Variants in UBXN6 observed in about 807,000 individuals in gnomAD.
UBXN6 encodes UBX domain protein 6, also known as UBX domain-containing protein 6.
UBXN6 carries 44 observed loss-of-function variants against 51.4 expected under a neutral mutation model. The ratio of observed to expected loss-of-function variants is 0.86; its 90% CI spans 0.67 to 1.10. The LOEUF (loss-of-function observed/expected upper bound fraction) is 1.10. UBXN6 is among the 50% of genes least tolerant of loss of function. The pLI is 0.00. For synonymous variants in UBXN6, 316 were observed against 263.2 expected (o/e 1.20, Z -1.94); for missense variants, 672 against 596.1 (o/e 1.13, Z -1.32).
chr19:4,447,441 C>T (rs1026293158), intron 6 of UBXN6, 109 bp downstream of exon 6: 30 of 1,217,744 alleles, frequency 2.5e-5, no homozygotes, highest in African/African-American at 1.8e-4. Context: ...GCTCAACTCT[C>T]GCTAGCTCCT....
rs759855616 is a variant in UBXN6, at chr19:4,446,652, G to T, written c.768C>A (p.His256Gln). The change falls in exon 8 of 11, where the codon CAC (histidine) becomes CAA (glutamine). Residue 256 changes from histidine to glutamine, a missense_variant. Transcript: ENST00000301281. ...GCTCCGCAGCCAGCAGCTGTTCCTT[G>T]TGCCTCTCCAGGCTCTGGGGCTGGG... is the stretch of plus-strand genomic sequence containing the variant. ...TLAQPQSLER[H>Q]KEQLLAAEPV... 6.2e-7 allele frequency: 1 copy of T among 1,612,328 alleles called. No homozygotes were observed.
At chr19:4,446,447 G>T (rs527573846) in intron 8 of UBXN6, 34 bp from the exon 9 acceptor site, 16 of 1,580,890 alleles carry the variant, frequency 1.0e-5, no homozygotes, top group Non-Finnish European at 1.4e-5. Flanking sequence ...AGGGCTGGCC[G>T]GGGTTCTTCC....
chr19:4,446,240 C>T (rs757629381), intron 9 of UBXN6, 43 bp from the exon 10 acceptor site: 1 of 1,574,098 alleles, frequency 6.4e-7, no homozygotes, highest in Non-Finnish European at 8.6e-7. Flanking sequence ...CCAGGGCCCC[C>T]TACCAACCCG....
At chr19:4,446,772 C>T (rs956869511) in intron 7 of UBXN6, 53 bp from the exon 8 acceptor site, 36 of 1,612,262 alleles carry the variant, frequency 2.2e-5, no homozygotes, top group African/African-American at 6.7e-5. Context: ...ACCCCCAAGC[C>T]GGGCCCTCCT....
rs1406216069 is a variant in UBXN6, at chr19:4,446,543, A to G, written c.877T>C (p.Phe293Leu). 6.2e-7 allele frequency: 1 copy of G among 1,612,054 alleles called. No individual in the cohort carries two copies. The highest frequency in any genetic ancestry group is 2.2e-5 in the East Asian group (1 of 44,878). ...TTGATCTCCTCTGCTGTGAGGTTGA[A>G]GAAGTCCCCAGGCAGTTCGAACTGC... The part of the protein sequence containing the change: ...ASQFELPGDF[F>L]NLTAEEIKRE... The change falls in exon 8 of 11, where the codon TTC becomes CTC. Residue 293 changes from phenylalanine to leucine, a missense_variant. Coordinates refer to ENST00000301281, the MANE Select transcript of UBXN6 (RefSeq NM_025241.3).
rs45464495 is a variant in UBXN6, at chr19:4,455,465, G to A, written c.84-1372C>T. 1,672 of 213,542 alleles carry A rather than the reference G, an allele frequency of 7.8e-3. 24 individuals are homozygous for A. The highest frequency in any genetic ancestry group is 0.036 in the Admixed American group (550 of 15,346). The allele number at this position is 213,542 out of a possible 1,614,324, so 13.2% of individuals were successfully genotyped here. A position where few individuals can be genotyped will look rare whatever the true frequency, so the allele number is the denominator to read the frequency against. ...TTCCAACAAAATGCCATTTCCCAGG[G>A]CACCTCACCCCAACCAGCCATGGAC... On this transcript the variant is annotated intron_variant, in intron 1 of 10. Coordinates refer to ENST00000301281, the MANE Select transcript of UBXN6 (RefSeq NM_025241.3).
At chr19:4,457,823 A>G (rs1175874139), upstream of UBXN6, 3 of 492,740 alleles carry the variant, frequency 6.1e-6, no homozygotes, top group Non-Finnish European at 8.9e-6. Context: ...AAAAAAAAAA[A>G]TTTACCTCGC....
At chr19:4,455,195 C>T (rs879633042) in intron 1 of UBXN6, 11 of 985,312 alleles carry the variant, frequency 1.1e-5, no homozygotes, top group African/African-American at 1.7e-5. Flanking sequence ...CACCCGTCTC[C>T]TCTCAGGCCC....
At chr19:4,446,796 T>G in intron 7 of UBXN6, 40 bp downstream of exon 7, 2 of 1,613,604 alleles carry the variant, frequency 1.2e-6, no homozygotes, top group East Asian at 2.2e-5. Context: ...CCGAGGCCCC[T>G]CGTCCCCATT....
In UBXN6 at chr19:4,445,627, C is replaced by T. The variant is rs769896307; in HGVS notation, c.1201-4G>A. 2.1e-5 allele frequency: 34 copies of T among 1,612,120 alleles called. No homozygotes were observed. The highest frequency in any genetic ancestry group is 6.7e-5 in the African/African-American group (5 of 74,910). On this transcript the variant is annotated splice_region_variant and splice_polypyrimidine_tract_variant and intron_variant, in intron 10 of 10. Transcript: ENST00000301281. ...AGGTCAGGAGGGCAGAGGGCACCTG[C>T]GGTAGGGGTAGGCCGTCACTCTGAG...
At chr19:4,454,535 G>A (rs759367896) in intron 1 of UBXN6, among the ~76,000 whole-genome samples, 15 of 152,078 alleles carry the variant, frequency 9.9e-5, no homozygotes, top group Non-Finnish European at 1.5e-4. Flanking sequence ...GAATCCTCCC[G>A]CCTCAGCCTC....
intron 1 of UBXN6, chr19:4,455,191 T>C (rs527443187): frequency 1.0e-6 from 1 of 985,188 alleles, no homozygotes; most frequent in East Asian, 1.1e-4. Context: ...GTCTCACCCG[T>C]CTCCTCTCAG....
In UBXN6 at chr19:4,457,703, C is replaced by T; in HGVS notation, c.-6G>A. On this transcript the variant is annotated 5_prime_UTR_variant, in exon 1 of 11. Transcript: ENST00000301281. ...TCCTGAAAGAATTTCTTCATGGTGGCGGCTGGCCCGGCGGCGGGGGGCCGC... is the reference window on the plus strand; with the variant it reads ...TCCTGAAAGAATTTCTTCATGGTGGTGGCTGGCCCGGCGGCGGGGGGCCGC... The T allele has an allele frequency of 1.4e-6, 2 of 1,461,278 alleles. No homozygotes were observed. Among genetic ancestry groups the T allele is most frequent in the South Asian group, 1.2e-5 (1 of 82,900 alleles). 90.5% of individuals were successfully genotyped at this position (1,461,278 alleles called of 1,614,324 possible).
rs1273993942 is a variant in UBXN6, at chr19:4,445,616, G to A, written c.1208C>T (p.Ser403Phe). 1.9e-6 allele frequency: 3 copies of A among 1,612,964 alleles called. No individual in the cohort carries two copies. Among genetic ancestry groups the A allele is most frequent in the Non-Finnish European group, 2.5e-6 (3 of 1,179,892 alleles). The part of the protein sequence containing the change: ...LALNECGLVP[S>F]ALLTFSWDMA... ...GTCCCACGAGAAGGTCAGGAGGGCA[G>A]AGGGCACCTGCGGTAGGGGTAGGCC... Residue 403 changes from serine (S) to phenylalanine (F), a missense_variant, in exon 11 of 11, where the codon TCT becomes TTT. Transcript: ENST00000301281.
intron 10 of UBXN6, 90 bp from the exon 11 acceptor site, chr19:4,445,713 C>T (rs1322757185): frequency 2.6e-6 from 4 of 1,545,968 alleles, no homozygotes; most frequent in Non-Finnish European, 3.5e-6. Context: ...GCGGGGATGC[C>T]CCGGCCTGGA....
intron 5 of UBXN6, 104 bp from the exon 6 acceptor site, chr19:4,447,729 T>C (rs1485762894): frequency 2.9e-5 from 35 of 1,200,486 alleles, no homozygotes; most frequent in Admixed American, 1.0e-4. Flanking sequence ...ACTTGGCCTC[T>C]AGTCAGAGGG....
In UBXN6 at chr19:4,452,904, C is replaced by T. The variant is rs113872945; in HGVS notation, c.313-412G>A. The stretch of plus-strand genomic sequence containing the variant: ...CATTTCTAGGCCATCTCTAAGGTCC[C>T]TGCGTGCTAAAATTCACTGAATCCT... On this transcript the variant is annotated intron_variant, in intron 3 of 10. Coordinates refer to ENST00000301281, the MANE Select transcript of UBXN6 (RefSeq NM_025241.3). Among the ~76,000 whole-genome samples the T allele has an allele frequency of 1.1e-3, 160 of 152,316 alleles. 2 individuals are homozygous for T. The Middle Eastern group carries it at 0.024, about 23-fold the overall frequency.
chr19:4,447,060 C>T lies in UBXN6; in HGVS notation c.616-140G>A, dbSNP rs965490860. ...ATGGGGCCCAGCCCTGGGGGTGCCT[C>T]AGTGCTGGATGCAAACCTGCTTTTC... On this transcript the variant is annotated intron_variant, in intron 6 of 10. Transcript: ENST00000301281. 9 of 775,800 alleles carry T rather than the reference C, an allele frequency of 1.2e-5. No homozygotes were observed. The Admixed American group carries it at 1.2e-4, about 11-fold the overall frequency. 48.1% of individuals were successfully genotyped at this position (775,800 alleles called of 1,614,324 possible).
intron 1 of UBXN6, chr19:4,455,317 C>T (rs1437256911): frequency 2.0e-6 from 2 of 985,206 alleles, no homozygotes; most frequent in Non-Finnish European, 2.4e-6. Flanking sequence ...TGCTTACATA[C>T]CCGGGCAGCC....
Sources: allele counts gnomAD v4.1 joint callset (sites outside exome capture counted in the v4.1 genomes callset), GRCh38; gene constraint gnomAD v4.1.1; transcripts MANE v1.5; gene names NCBI Gene and HGNC (gene_info 2026-07-23, HGNC 2026-07-21).